The following PALLD variants were observed in gnomAD, a reference collection of about 807,000 sequenced individuals.
PALLD encodes palladin, cytoskeletal associated protein.
In PALLD, 61 loss-of-function variants were observed where a neutral mutation model predicts 123.5. That is an observed-to-expected ratio of 0.49 (90% CI 0.40 to 0.61). The LOEUF (loss-of-function observed/expected upper bound fraction) is 0.61. Ranked by LOEUF, PALLD falls within the 20% of genes least tolerant of loss-of-function variation. PALLD has a pLI of 0.00. For synonymous variants in PALLD, 465 were observed against 496.4 expected, an observed-to-expected ratio of 0.94 and a Z score of 0.84; for missense variants, 1,273 against 1,377.0, an observed-to-expected ratio of 0.92 and a Z score of 1.20.
At chr4:168,576,153 A>G (rs1250825869) in intron 2 of PALLD, among the ~76,000 whole-genome samples, 1 of 152,120 alleles carries the variant, frequency 6.6e-6, no homozygotes, top group Non-Finnish European at 1.5e-5. Context: ...ACTTTTTAAT[A>G]TTTCAATATC....
intron 10 of PALLD, among the ~76,000 whole-genome samples, chr4:168,881,902 G>A (rs1047092375): frequency 1.3e-5 from 2 of 152,104 alleles, no homozygotes; most frequent in African/African-American, 2.4e-5. Flanking sequence ...TGCTCTGCTG[G>A]TCTCTGAGTG....
chr4:168,887,181 T>C (rs913975130), intron 10 of PALLD, among the ~76,000 whole-genome samples: 2 of 151,388 alleles, frequency 1.3e-5, no homozygotes, highest in African/African-American at 2.4e-5. Context: ...CAAAGACTAA[T>C]TGTAATTATA....
At chr4:168,900,865 A>T (rs910797351) in intron 14 of PALLD, among the ~76,000 whole-genome samples, 2 of 152,362 alleles carry the variant, frequency 1.3e-5, no homozygotes, top group African/African-American at 4.8e-5. Flanking sequence ...ATAAGGAATT[A>T]TATCTTGAAC....
intron 2 of PALLD, among the ~76,000 whole-genome samples, chr4:168,662,071 G>A (rs535339704): frequency 2.0e-5 from 3 of 151,840 alleles, no homozygotes; most frequent in African/African-American, 7.2e-5. Flanking sequence ...ATGATTTTAT[G>A]GCAGAAAATA....
chr4:168,699,862 T>A (rs576751124), intron 8 of PALLD, among the ~76,000 whole-genome samples: 1 of 152,282 alleles, frequency 6.6e-6, no homozygotes, highest in Non-Finnish European at 1.5e-5. Context: ...AAAATTAGAT[T>A]AAAATGCATC....
chr4:168,718,013 G>A (rs1419318697), intron 10 of PALLD, among the ~76,000 whole-genome samples: 1 of 152,178 alleles, frequency 6.6e-6, no homozygotes, highest in African/African-American at 2.4e-5. Flanking sequence ...CTATTTCAAG[G>A]TGTGTGTACT....
At chr4:168,634,297 G>C (rs1580685763) in intron 2 of PALLD, among the ~76,000 whole-genome samples, 1 of 152,188 alleles carries the variant, frequency 6.6e-6, no homozygotes, top group Non-Finnish European at 1.5e-5. Context: ...CAATTTCCAA[G>C]ATGGGCTTCA....
Position 168,811,776 on chromosome 4 carries a change from TCACACACACACA to T in PALLD, c.1965-79123_1965-79112del, listed in dbSNP as rs58914714. On this transcript the variant is annotated intron_variant, in intron 10 of 21. Transcript: ENST00000505667. ...CTCTCTTTCTCTCTCTCTCTCTCTCTCACACACACACACACACACACACACACACACACATTT... is the reference window on the plus strand; with the variant it reads ...CTCTCTTTCTCTCTCTCTCTCTCTCTCACACACACACACACACACACATTT... Among the ~76,000 whole-genome samples the T allele has an allele frequency of 2.5e-3, 357 of 143,748 alleles. 1 individual carries two copies. Among genetic ancestry groups the T allele is most frequent in the African/African-American group, 9.0e-3 (347 of 38,420 alleles). The allele number at this position is 143,748 out of a possible 152,430, so 94.3% of individuals were successfully genotyped here. A position where few individuals can be genotyped will look rare whatever the true frequency, so the allele number is the denominator to read the frequency against.
chr4:168,720,194 T>C (rs183970011), intron 10 of PALLD, among the ~76,000 whole-genome samples: 1 of 152,326 alleles, frequency 6.6e-6, no homozygotes, highest in Non-Finnish European at 1.5e-5. Flanking sequence ...CATACACATA[T>C]ACACAAAATG....
At chr4:168,702,890 A>G (rs538765116) in intron 8 of PALLD, among the ~76,000 whole-genome samples, 5 of 133,388 alleles carry the variant, frequency 3.7e-5, no homozygotes, top group South Asian at 4.9e-4. Flanking sequence ...TTATTTATTT[A>G]TTTTATTTAT....
At chr4:168,772,591 A>G (rs1321158569) in intron 10 of PALLD, among the ~76,000 whole-genome samples, 1 of 152,176 alleles carries the variant, frequency 6.6e-6, no homozygotes, top group African/African-American at 2.4e-5. Flanking sequence ...GAGGGTTTCT[A>G]TATTCTGTGA....
chr4:168,824,979 A>C (rs1475343712), intron 10 of PALLD, among the ~76,000 whole-genome samples: 1 of 151,428 alleles, frequency 6.6e-6, no homozygotes, highest in East Asian at 1.9e-4. Flanking sequence ...ACACCACCAC[A>C]CCTGGCTTCT....
intron 10 of PALLD, among the ~76,000 whole-genome samples, chr4:168,866,772 C>T (rs1329148243): frequency 6.6e-6 from 1 of 152,194 alleles, no homozygotes; most frequent in Non-Finnish European, 1.5e-5. Flanking sequence ...GTTTTTAAGT[C>T]TAGCATATGA....
intron 10 of PALLD, among the ~76,000 whole-genome samples, chr4:168,858,694 A>C (rs1446798834): frequency 6.6e-6 from 1 of 152,070 alleles, no homozygotes; most frequent in Admixed American, 6.5e-5. Context: ...AGGTGGAAGG[A>C]TCACTTGGGC....
At chr4:168,566,824 C>A (rs1768438333) in intron 2 of PALLD, among the ~76,000 whole-genome samples, 3 of 152,196 alleles carry the variant, frequency 2.0e-5, no homozygotes, top group East Asian at 3.9e-4. Context: ...AAACATTGGG[C>A]TCATTTATTT....
At chr4:168,717,446 G>T (rs1785471372) in intron 10 of PALLD, among the ~76,000 whole-genome samples, 1 of 152,078 alleles carries the variant, frequency 6.6e-6, no homozygotes, top group Admixed American at 6.6e-5. Flanking sequence ...CACATCCTGG[G>T]TGCAAGTCAT....
intron 8 of PALLD, among the ~76,000 whole-genome samples, chr4:168,702,594 G>A (rs1328308732): frequency 2.0e-5 from 3 of 152,024 alleles, no homozygotes; most frequent in Non-Finnish European, 2.9e-5. Flanking sequence ...GAGATGGGAC[G>A]CCAACCTTCA....
chr4:168,538,742 G>A (rs528232061), intron 2 of PALLD, among the ~76,000 whole-genome samples: 1 of 152,270 alleles, frequency 6.6e-6, no homozygotes, highest in South Asian at 2.1e-4. Context: ...CCATCTCAAC[G>A]TTTCACATTC....
At chr4:168,631,025 C>T (rs1215781937) in intron 2 of PALLD, among the ~76,000 whole-genome samples, 1 of 152,138 alleles carries the variant, frequency 6.6e-6, no homozygotes, top group African/African-American at 2.4e-5. Context: ...GTTCCCTAGA[C>T]ATTGGTGGAA....
Sources: allele counts gnomAD v4.1 joint callset (sites outside exome capture counted in the v4.1 genomes callset), GRCh38; gene constraint gnomAD v4.1.1; transcripts MANE v1.5; gene names NCBI Gene and HGNC (gene_info 2026-07-23, HGNC 2026-07-21).